Variants in PCP4 observed in about 807,000 individuals in gnomAD.
PCP4 encodes the protein Purkinje cell protein 4, also known as calmodulin regulator protein PCP4.
PCP4 carries 8 observed loss-of-function variants against 10.0 expected under a neutral mutation model. That is an observed-to-expected ratio of 0.80 (90% CI 0.47 to 1.45). The LOEUF (loss-of-function observed/expected upper bound fraction) is 1.45. Ranked by LOEUF, PCP4 falls within the 40% of genes most tolerant of loss-of-function variation. The pLI is 0.00. For synonymous variants in PCP4, 21 were observed against 23.0 expected (o/e 0.91, Z 0.24); for missense variants, 54 against 74.4 (o/e 0.73, Z 1.01).
At chr21:39,901,792 T>G (rs1165031140) in intron 2 of PCP4, among the ~76,000 whole-genome samples, 1 of 152,238 alleles carries the variant, frequency 6.6e-6, no homozygotes, top group African/African-American at 2.4e-5. Context: ...TGCTATACTT[T>G]AATTTCAGCT....
At chr21:39,881,728 A>G (rs2087376531) in intron 1 of PCP4, among the ~76,000 whole-genome samples, 1 of 152,204 alleles carries the variant, frequency 6.6e-6, no homozygotes, top group African/African-American at 2.4e-5. Flanking sequence ...GAGGGCAGGA[A>G]ACGTGATTCC....
intron 1 of PCP4, among the ~76,000 whole-genome samples, chr21:39,895,221 A>G (rs1057092867): frequency 1.3e-5 from 2 of 152,098 alleles, no homozygotes; most frequent in Admixed American, 1.3e-4. Flanking sequence ...CCATTCAACT[A>G]CTCATCCATT....
intron 2 of PCP4, among the ~76,000 whole-genome samples, chr21:39,921,274 A>G (rs1214890908): frequency 6.6e-6 from 1 of 152,220 alleles, no homozygotes; most frequent in Non-Finnish European, 1.5e-5. Context: ...CTTGGTCTAC[A>G]TCTAAGGAGA....
chr21:39,891,105 G>A (rs528786514), intron 1 of PCP4, among the ~76,000 whole-genome samples: 2 of 152,276 alleles, frequency 1.3e-5, no homozygotes, highest in South Asian at 4.1e-4. Context: ...TATTCACGTG[G>A]AACTTGATGT....
At chr21:39,898,344 C>A in intron 1 of PCP4, 132 bp from the exon 2 acceptor site, 3 of 793,816 alleles carry the variant, frequency 3.8e-6, no homozygotes, top group Non-Finnish European at 6.7e-6. Flanking sequence ...TAGCACAGTG[C>A]TTTAGCCATC....
intron 1 of PCP4, among the ~76,000 whole-genome samples, chr21:39,873,226 AAG>A (rs2087329082): frequency 6.6e-6 from 1 of 152,162 alleles, no homozygotes; most frequent in Non-Finnish European, 1.5e-5. Context: ...AGAAGAGAAT[AAG>A]AGAGAGTCTA....
chr21:39,890,268 A>C (rs1160302259), intron 1 of PCP4, among the ~76,000 whole-genome samples: 1 of 152,254 alleles, frequency 6.6e-6, no homozygotes, highest in African/African-American at 2.4e-5. Context: ...TAGTGACTAG[A>C]GTTGGATTGA....
chr21:39,889,655 A>T (rs537266948), intron 1 of PCP4, among the ~76,000 whole-genome samples: 1 of 151,970 alleles, frequency 6.6e-6, no homozygotes, highest in Non-Finnish European at 1.5e-5. Flanking sequence ...TGACCTCGTG[A>T]TCTGCCTGCC....
At chr21:39,927,311 T>C (rs1276487601) in intron 2 of PCP4, among the ~76,000 whole-genome samples, 3 of 117,398 alleles carry the variant, frequency 2.6e-5, no homozygotes, top group Non-Finnish European at 5.8e-5. Flanking sequence ...TCTATCTATC[T>C]ATCTATCTAT....
chr21:39,902,840 C>A (rs1273316918), intron 2 of PCP4, among the ~76,000 whole-genome samples: 1 of 152,178 alleles, frequency 6.6e-6, no homozygotes, highest in Non-Finnish European at 1.5e-5. Flanking sequence ...CCACAGATTT[C>A]ATTTGTTTCT....
At chr21:39,879,078 C>T (rs2087359515) in intron 1 of PCP4, among the ~76,000 whole-genome samples, 1 of 151,782 alleles carries the variant, frequency 6.6e-6, no homozygotes, top group Non-Finnish European at 1.5e-5. Flanking sequence ...CAAAGTCCAC[C>T]TCCTGGGTTC....
Position 39,929,082 on chromosome 21 carries a change from CAGA to C in PCP4, c.169_171del (p.Lys57del), listed in dbSNP as rs2087638581. On this transcript the variant is annotated inframe_deletion, in exon 3 of 3. Coordinates refer to ENST00000328619, the MANE Select transcript of PCP4 (RefSeq NM_006198.3). ...CATTCAGTCTCAGTTCAGAAAATTC[CAGA>C]AGAAGAAGGCTGGGTCTCAGTCCTA... The C allele has an allele frequency of 1.2e-6, 2 of 1,613,564 alleles. No individual in the cohort carries two copies. The highest frequency in any genetic ancestry group is 1.7e-6 in the Non-Finnish European group (2 of 1,179,726).
chr21:39,921,128 A>T (rs530042048), intron 2 of PCP4, among the ~76,000 whole-genome samples: 39 of 152,340 alleles, frequency 2.6e-4, no homozygotes, highest in African/African-American at 8.9e-4. Flanking sequence ...TGAATTTGGT[A>T]TAGTTCCCCC....
chr21:39,871,626 T>C (rs2087320653), intron 1 of PCP4, among the ~76,000 whole-genome samples: 1 of 152,234 alleles, frequency 6.6e-6, no homozygotes, highest in Non-Finnish European at 1.5e-5. Context: ...TAATTGGGGA[T>C]ATTAAGTCCA....
rs539120053 is a variant in PCP4, at chr21:39,927,261, TTGTC to T, written c.62-1713_62-1710del. ...GTATTTGTCTATCATCTACTTATGT[TTGTC>T]TGTCTGTCTCTCTGATCTATCTATC... On this transcript the variant is annotated intron_variant, in intron 2 of 2. Transcript: ENST00000328619. 7.9e-3 allele frequency among the ~76,000 whole-genome samples: 1,208 copies of T among 152,138 alleles called. 17 individuals carry two copies. Among genetic ancestry groups the T allele is most frequent in the African/African-American group, 0.028 (1,153 of 41,446 alleles).
At chr21:39,914,401 C>G (rs1330403261) in intron 2 of PCP4, among the ~76,000 whole-genome samples, 2 of 151,952 alleles carry the variant, frequency 1.3e-5, no homozygotes, top group East Asian at 1.9e-4. Flanking sequence ...TGGTGGAACA[C>G]CATCTCTACT....
intron 2 of PCP4, among the ~76,000 whole-genome samples, chr21:39,925,001 T>C (rs2087614160): frequency 6.6e-6 from 1 of 152,242 alleles, no homozygotes; most frequent in African/African-American, 2.4e-5. Flanking sequence ...TGTGCCTTCC[T>C]CTTTCCCTGT....
chr21:39,891,699 A>C (rs930941688), intron 1 of PCP4, among the ~76,000 whole-genome samples: 2 of 152,180 alleles, frequency 1.3e-5, no homozygotes, highest in Non-Finnish European at 1.5e-5. Flanking sequence ...AGGAGGGTGA[A>C]TCTTCTAAGT....
chr21:39,923,608 C>T lies in PCP4; in HGVS notation c.62-5376C>T, dbSNP rs572850983. Among the ~76,000 whole-genome samples the T allele has an allele frequency of 5.3e-5, 8 of 152,276 alleles. No homozygotes were observed. The East Asian group carries it at 7.7e-4, about 15-fold the overall frequency. ...CTGAAAAGCCTCCATGGAGAGTGGG[C>T]GTGGCCAAAGTGATTTTCCAGTACA... On this transcript the variant is annotated intron_variant, in intron 2 of 2. Coordinates refer to ENST00000328619, the MANE Select transcript of PCP4 (RefSeq NM_006198.3).
Sources: gnomAD v4.1 joint callset for allele counts (sites outside exome capture counted in the v4.1 genomes callset) on GRCh38, gnomAD v4.1.1 for gene constraint, MANE v1.5 for transcripts, NCBI Gene and HGNC (gene_info 2026-07-23, HGNC 2026-07-21) for gene names.